Variants in CAMK4 observed in about 807,000 individuals in gnomAD.
The protein encoded by CAMK4 is calcium/calmodulin dependent protein kinase IV, also known as calcium/calmodulin-dependent protein kinase type IV.
A neutral mutation model predicts 44.9 loss-of-function variants in CAMK4; 22 were observed. The ratio of observed to expected loss-of-function variants is 0.49; its 90% CI spans 0.35 to 0.70. The LOEUF (loss-of-function observed/expected upper bound fraction) is 0.70. Ranked by LOEUF, CAMK4 falls within the 30% of genes least tolerant of loss-of-function variation. The pLI, the probability that CAMK4 is intolerant of heterozygous loss-of-function variation, is 0.01. For synonymous variants in CAMK4, 218 were observed against 215.4 expected, an observed-to-expected ratio of 1.01 and a Z score of -0.11; for missense variants, 498 against 586.8, an observed-to-expected ratio of 0.85 and a Z score of 1.56.
intron 2 of CAMK4, among the ~76,000 whole-genome samples, chr5:111,371,841 AG>A (rs1348824757): frequency 1.3e-5 from 2 of 152,180 alleles, no homozygotes; most frequent in African/African-American, 2.4e-5. Context: ...TCATTTTCTT[AG>A]GCTTCTTTAC....
chr5:111,345,546 G>T (rs763031293), intron 2 of CAMK4, among the ~76,000 whole-genome samples: 1 of 151,910 alleles, frequency 6.6e-6, no homozygotes, highest in African/African-American at 2.4e-5. Flanking sequence ...TTGTTTGTAC[G>T]ATTTCTTATT....
intron 5 of CAMK4, among the ~76,000 whole-genome samples, chr5:111,421,153 C>G (rs1253751816): frequency 6.6e-6 from 1 of 152,220 alleles, no homozygotes; most frequent in African/African-American, 2.4e-5. Context: ...CCACGTTCTT[C>G]TGCCATGGCT....
chr5:111,418,942 C>T (rs1434463967), intron 5 of CAMK4, among the ~76,000 whole-genome samples: 1 of 152,076 alleles, frequency 6.6e-6, no homozygotes, highest in African/African-American at 2.4e-5. Flanking sequence ...ATTTATAGGC[C>T]TTTGGGTATA....
At chr5:111,468,051 G>A (rs1037856565) in intron 7 of CAMK4, among the ~76,000 whole-genome samples, 1 of 151,972 alleles carries the variant, frequency 6.6e-6, no homozygotes, top group Non-Finnish European at 1.5e-5. Context: ...GACCATTATT[G>A]TAAGTGAAGT....
chr5:111,443,036 A>G (rs1753881885), intron 5 of CAMK4, among the ~76,000 whole-genome samples: 2 of 149,572 alleles, frequency 1.3e-5, no homozygotes, highest in Admixed American at 6.7e-5. Context: ...CATGTGCTCT[A>G]AAAGAGTGTT....
intron 1 of CAMK4, among the ~76,000 whole-genome samples, chr5:111,245,987 C>T (rs891803387): frequency 6.6e-6 from 1 of 152,152 alleles, no homozygotes; most frequent in African/African-American, 2.4e-5. Context: ...TTCTGCCAGC[C>T]ACCATATAGA....
At chr5:111,415,348 C>A (rs562333253) in intron 5 of CAMK4, among the ~76,000 whole-genome samples, 27 of 152,176 alleles carry the variant, frequency 1.8e-4, no homozygotes, top group Non-Finnish European at 3.1e-4. Flanking sequence ...GGCAGTATGG[C>A]AGTGCTTTTG....
At chr5:111,243,060 C>T (rs771204614) in intron 1 of CAMK4, among the ~76,000 whole-genome samples, 4 of 152,070 alleles carry the variant, frequency 2.6e-5, no homozygotes, top group Non-Finnish European at 2.9e-5. Flanking sequence ...TCCACAGTTC[C>T]GGGCAGATGT....
intron 2 of CAMK4, among the ~76,000 whole-genome samples, chr5:111,361,529 C>T (rs1049775524): frequency 6.6e-6 from 1 of 151,820 alleles, no homozygotes; most frequent in African/African-American, 2.4e-5. Flanking sequence ...ACTGTCTTTA[C>T]CATATAAAAA....
intron 4 of CAMK4, among the ~76,000 whole-genome samples, chr5:111,380,776 C>T (rs1438811890): frequency 1.3e-5 from 2 of 152,128 alleles, no homozygotes; most frequent in Non-Finnish European, 2.9e-5. Flanking sequence ...GAATTTGAGA[C>T]CTGGAATGCT....
In CAMK4 at chr5:111,444,762, A is replaced by G. The variant is rs149876808; in HGVS notation, c.460-1924A>G. On this transcript the variant is annotated intron_variant, in intron 5 of 10. Transcript: ENST00000282356. The stretch of plus-strand genomic sequence containing the variant: ...CCACATGAGGTAGGAAACGAGAGAG[A>G]GTATAGCACACTGGAAACTTTTTCT... Among the ~76,000 whole-genome samples, 828 of 152,320 alleles carry G rather than the reference A, an allele frequency of 5.4e-3. 5 individuals carry two copies. The highest frequency in any genetic ancestry group is 0.016 in the Admixed American group (238 of 15,294).
At chr5:111,386,518 A>G (rs1024353353) in intron 4 of CAMK4, among the ~76,000 whole-genome samples, 1 of 152,208 alleles carries the variant, frequency 6.6e-6, no homozygotes, top group Non-Finnish European at 1.5e-5. Flanking sequence ...AGAGCTCTTC[A>G]GCTGCTGTGC....
At chr5:111,281,898 A>C (rs929059822) in intron 1 of CAMK4, among the ~76,000 whole-genome samples, 1 of 151,800 alleles carries the variant, frequency 6.6e-6, no homozygotes, top group Non-Finnish European at 1.5e-5. Flanking sequence ...CTCTACTAAA[A>C]ATACAAAAAA....
At chr5:111,383,621 A>AT (rs1751493476) in intron 4 of CAMK4, among the ~76,000 whole-genome samples, 1 of 113,478 alleles carries the variant, frequency 8.8e-6, no homozygotes, top group Non-Finnish European at 1.8e-5. Context: ...GAGGGGAGAT[A>AT]ATTTTTTTTT....
intron 2 of CAMK4, among the ~76,000 whole-genome samples, chr5:111,354,248 CAGAGAG>C (rs930320863): frequency 2.6e-5 from 4 of 151,936 alleles, no homozygotes; most frequent in Non-Finnish European, 5.9e-5. Flanking sequence ...AAGTTGAACT[CAGAGAG>C]AGTAGAAGGA....
chr5:111,224,304 G>C, upstream of CAMK4: 2 of 889,138 alleles, frequency 2.2e-6, no homozygotes, highest in Non-Finnish European at 3.0e-6. The surrounding 1 kb of genome is among the most constrained non-coding windows in gnomAD (Gnocchi z 5.7). Context: ...TCTCGCAGAG[G>C]CTCGCCCCCT....
Position 111,315,170 on chromosome 5 carries a change from A to T in CAMK4, c.162-28854A>T, listed in dbSNP as rs78421315. On this transcript the variant is annotated intron_variant, in intron 1 of 10. Transcript: ENST00000282356. The stretch of plus-strand genomic sequence containing the variant: ...GGCAGAGTTTTTAAAGAAGAAAAGT[A>T]TTAATGAAAAGGTTTTATTTTCTCC... Among the ~76,000 whole-genome samples, 4 of 152,238 alleles carry T rather than the reference A, an allele frequency of 2.6e-5. No individual in the cohort carries two copies. In the South Asian group the frequency reaches 8.3e-4, roughly 32 times the overall value.
At chr5:111,289,663 T>G (rs1751366799) in intron 1 of CAMK4, among the ~76,000 whole-genome samples, 1 of 152,228 alleles carries the variant, frequency 6.6e-6, no homozygotes, top group South Asian at 2.1e-4. Flanking sequence ...GGTTGTGGGT[T>G]GACTGCTGGG....
At chr5:111,291,609 C>A (rs897637842) in intron 1 of CAMK4, among the ~76,000 whole-genome samples, 1 of 152,200 alleles carries the variant, frequency 6.6e-6, no homozygotes, top group Non-Finnish European at 1.5e-5. Context: ...GCCTTGACCT[C>A]CTGGGCCAAA....
Sources: gnomAD v4.1 joint callset for allele counts (sites outside exome capture counted in the v4.1 genomes callset) on GRCh38, gnomAD v4.1.1 for gene constraint, Gnocchi (gnomAD v3.1) non-coding constraint, MANE v1.5 for transcripts, NCBI Gene and HGNC (gene_info 2026-07-23, HGNC 2026-07-21) for gene names.